DCLK2: variants seen among roughly 807,000 people sequenced by gnomAD.
DCLK2 encodes serine/threonine-protein kinase DCLK2.
In DCLK2, 31 loss-of-function variants were observed where a neutral mutation model predicts 78.4. The ratio of observed to expected loss-of-function variants is 0.40; its 90% CI spans 0.30 to 0.53. DCLK2 has a LOEUF of 0.53. Ranked by LOEUF, DCLK2 falls within the 20% of genes least tolerant of loss-of-function variation. The probability of loss-of-function intolerance (pLI) is 0.61; values close to 1 mark genes in which losing one functional copy is unlikely to be tolerated. For missense variants in DCLK2, 872 were observed against 973.7 expected (o/e 0.90, Z 1.39); for synonymous variants, 407 against 374.9 (o/e 1.09, Z -0.99).
At chr4:150,177,926 G>A (rs987234345) in intron 2 of DCLK2, among the ~76,000 whole-genome samples, 9 of 152,118 alleles carry the variant, frequency 5.9e-5, no homozygotes, top group African/African-American at 2.2e-4. Flanking sequence ...TGGGGCTGGG[G>A]ACCAGGAACA....
intron 2 of DCLK2, among the ~76,000 whole-genome samples, chr4:150,149,169 T>A (rs918302410): frequency 1.3e-5 from 2 of 152,026 alleles, no homozygotes; most frequent in African/African-American, 2.4e-5. Context: ...CCATTTAAAT[T>A]TTATCAGACC....
intron 1 of DCLK2, among the ~76,000 whole-genome samples, chr4:150,090,234 C>T (rs925977185): frequency 6.6e-5 from 10 of 152,126 alleles, no homozygotes; most frequent in South Asian, 2.1e-4. Flanking sequence ...GGAGAAACCC[C>T]GTCTCTACTA....
intron 1 of DCLK2, among the ~76,000 whole-genome samples, chr4:150,093,425 A>G (rs996686026): frequency 2.0e-5 from 3 of 152,218 alleles, no homozygotes; most frequent in Non-Finnish European, 4.4e-5. Context: ...CTGTTGCCCC[A>G]GGTTGGAGTG....
intron 1 of DCLK2, among the ~76,000 whole-genome samples, chr4:150,094,761 G>T (rs929330545): frequency 3.9e-5 from 6 of 152,246 alleles, no homozygotes. Context: ...AGTGCCTGTT[G>T]TATTCCAGGT....
intron 10 of DCLK2, among the ~76,000 whole-genome samples, chr4:150,238,197 T>C (rs1742650831): frequency 6.6e-6 from 1 of 152,200 alleles, no homozygotes; most frequent in African/African-American, 2.4e-5. Flanking sequence ...CATTTTTGAG[T>C]ATTTTATATG....
At chr4:150,195,031 TG>T (rs1316071881) in intron 3 of DCLK2, among the ~76,000 whole-genome samples, 1 of 146,236 alleles carries the variant, frequency 6.8e-6, no homozygotes, top group East Asian at 2.0e-4. Flanking sequence ...TATTTCAGCC[TG>T]GTGACACCAC....
intron 2 of DCLK2, among the ~76,000 whole-genome samples, chr4:150,155,890 G>A (rs541042910): frequency 6.6e-6 from 1 of 152,308 alleles, no homozygotes; most frequent in South Asian, 2.1e-4. Context: ...CTGTACAGAT[G>A]TAAAGCAGGA....
intron 15 of DCLK2, among the ~76,000 whole-genome samples, chr4:150,250,854 ATCCCCACACCCCCAACAT>A (rs1560912180): frequency 1.5e-5 from 2 of 137,810 alleles, no homozygotes; most frequent in Non-Finnish European, 1.6e-5. Flanking sequence ...CATAACCCAC[ATCCCCACACCCCCAACAT>A]CCCCCACACT....
Position 150,234,894 on chromosome 4 carries a change from CT to C in DCLK2, c.1566+2068del, listed in dbSNP as rs771142524. ...AAACAGGCTTCTCGCCCATTGGGAC[CT>C]TGCAGCATGCCAGGCTCCTCCACCG... On this transcript the variant is annotated intron_variant, in intron 10 of 15. Transcript: ENST00000296550. 2.6e-5 allele frequency among the ~76,000 whole-genome samples: 4 copies of C among 152,162 alleles called. No individual in the cohort carries two copies. In the East Asian group the frequency reaches 5.8e-4, roughly 22 times the overall value.
At chr4:150,092,684 G>T (rs975353129) in intron 1 of DCLK2, among the ~76,000 whole-genome samples, 2 of 151,990 alleles carry the variant, frequency 1.3e-5, no homozygotes, top group East Asian at 3.9e-4. Context: ...AATATTAAAG[G>T]ATAAAGATCA....
chr4:150,085,784 G>T (rs1475146505), intron 1 of DCLK2, among the ~76,000 whole-genome samples: 1 of 152,160 alleles, frequency 6.6e-6, no homozygotes, highest in Admixed American at 6.5e-5. Flanking sequence ...TTAGCACCTT[G>T]ATCTTTGATG....
intron 2 of DCLK2, among the ~76,000 whole-genome samples, chr4:150,148,348 C>T (rs1438754900): frequency 7.0e-6 from 1 of 143,758 alleles, no homozygotes. Flanking sequence ...CTGGGCAACA[C>T]AGCAAGACCC....
At chr4:150,116,552 G>A (rs935686583) in intron 2 of DCLK2, among the ~76,000 whole-genome samples, 6 of 152,314 alleles carry the variant, frequency 3.9e-5, no homozygotes, top group African/African-American at 7.2e-5. Context: ...TACCCAGTGG[G>A]TACTCCAGGC....
At position 150,198,094 on chromosome 4, in the gene DCLK2, C is replaced by G; in HGVS notation, c.952C>G (p.Pro318Ala). The change falls in exon 4 of 16, where the codon CCA (proline) becomes GCA (alanine). Residue 318 changes from proline to alanine, a missense_variant. Pro to Ala is a conservative substitution (Grantham distance 27). This residue lies in a region of DCLK2 where 567 missense variants were observed against 593.4 expected (regional missense o/e 0.96). Coordinates refer to ENST00000296550, the MANE Select transcript of DCLK2 (RefSeq NM_001040260.4). ...TGGGCCCTCTCGACGCAGCAAATCACCAGCTTCAGGTAGTTAATGGAAAAG... is the reference window on the plus strand; with the variant it reads ...TGGGCCCTCTCGACGCAGCAAATCAGCAGCTTCAGGTAGTTAATGGAAAAG... ...SPGPSRRSKS[P>A]ASVNGTPSSQ... The G allele has an allele frequency of 1.2e-6, 2 of 1,613,286 alleles. No individual in the cohort carries two copies. The highest frequency in any genetic ancestry group is 1.7e-6 in the Non-Finnish European group (2 of 1,179,548).
At chr4:150,220,484 C>G (rs1741101371) in intron 5 of DCLK2, among the ~76,000 whole-genome samples, 1 of 152,090 alleles carries the variant, frequency 6.6e-6, no homozygotes, top group Non-Finnish European at 1.5e-5. Flanking sequence ...AAAAAGGTAA[C>G]TGATGATTTT....
chr4:150,190,945 C>A (rs1439813910), intron 2 of DCLK2, among the ~76,000 whole-genome samples: 3 of 152,016 alleles, frequency 2.0e-5, no homozygotes, highest in African/African-American at 7.2e-5. Flanking sequence ...ACCTACCTAC[C>A]TACCTATCTA....
chr4:150,119,722 A>C (rs910315996), intron 2 of DCLK2, among the ~76,000 whole-genome samples: 1 of 152,126 alleles, frequency 6.6e-6, no homozygotes, highest in African/African-American at 2.4e-5. Context: ...ATACAGACCA[A>C]CTGACTCATC....
At chr4:150,096,593 G>A (rs138096791) in intron 1 of DCLK2, among the ~76,000 whole-genome samples, 237 of 152,256 alleles carry the variant, frequency 1.6e-3, no homozygotes, top group African/African-American at 4.2e-3. Context: ...GAAATGTGAG[G>A]TAAAGGTAAG....
At chr4:150,190,903 G>A (rs775031193) in intron 2 of DCLK2, among the ~76,000 whole-genome samples, 46 of 152,226 alleles carry the variant, frequency 3.0e-4, no homozygotes, top group Non-Finnish European at 4.9e-4. Context: ...AGCAGCCTGG[G>A]CAACATAGGG....
Sources: allele counts gnomAD v4.1 joint callset (sites outside exome capture counted in the v4.1 genomes callset), GRCh38; gene constraint gnomAD v4.1.1; regional missense constraint gnomAD v4.1.1; transcripts MANE v1.5; gene names NCBI Gene and HGNC (gene_info 2026-07-23, HGNC 2026-07-21).